WDFY4: variants seen among roughly 807,000 people sequenced by gnomAD.
The protein encoded by WDFY4 is WD repeat- and FYVE domain-containing protein 4.
WDFY4 carries 169 observed loss-of-function variants against 351.9 expected under a neutral mutation model. That is an observed-to-expected ratio of 0.48 (90% confidence interval 0.42 to 0.55). The LOEUF is 0.55. WDFY4 is among the 20% of genes least tolerant of loss of function. WDFY4 has a pLI of 0.00. For synonymous variants in WDFY4, 1,622 were observed against 1,574.6 expected (o/e 1.03, Z -0.71); for missense variants, 3,803 against 3,935.6 (o/e 0.97, Z 0.90).
chr10:48,765,274 G>A (rs1168468887), intron 13 of WDFY4, among the ~76,000 whole-genome samples: 1 of 152,162 alleles, frequency 6.6e-6, no homozygotes, highest in Non-Finnish European at 1.5e-5. Flanking sequence ...TTACCATAGA[G>A]GGCAGACTTC....
At chr10:48,753,356 A>G (rs947694621) in intron 12 of WDFY4, among the ~76,000 whole-genome samples, 1 of 152,136 alleles carries the variant, frequency 6.6e-6, no homozygotes, top group Non-Finnish European at 1.5e-5. Context: ...TGATGCACAA[A>G]AATTTTCAGT....
intron 47 of WDFY4, among the ~76,000 whole-genome samples, chr10:48,929,127 C>A (rs1474391737): frequency 6.6e-6 from 1 of 151,804 alleles, no homozygotes; most frequent in Non-Finnish European, 1.5e-5. Flanking sequence ...GAGCAGAGAT[C>A]AGAGGAAGTG....
intron 47 of WDFY4, among the ~76,000 whole-genome samples, chr10:48,906,470 T>C (rs1837622233): frequency 6.6e-6 from 1 of 152,244 alleles, no homozygotes; most frequent in African/African-American, 2.4e-5. Context: ...ACTGAACCTT[T>C]TGAAGACAGC....
chr10:48,801,600 G>T (rs1025392636), intron 24 of WDFY4: 53 of 445,392 alleles, frequency 1.2e-4, no homozygotes, highest in African/African-American at 1.0e-3. Context: ...GCCCACCTCT[G>T]TGTGTGCCTT....
At chr10:48,887,146 C>A (rs1005675668) in intron 43 of WDFY4, among the ~76,000 whole-genome samples, 3 of 152,256 alleles carry the variant, frequency 2.0e-5, no homozygotes, top group African/African-American at 7.2e-5. Context: ...CAAAGGGAAG[C>A]ACCAGATCAT....
intron 51 of WDFY4, among the ~76,000 whole-genome samples, chr10:48,952,087 G>T (rs1190352608): frequency 1.3e-5 from 2 of 152,176 alleles, no homozygotes; most frequent in Non-Finnish European, 2.9e-5. Context: ...GCAGCACTTG[G>T]CCCATCCTGG....
chr10:48,972,606 T>G (rs917757291), intron 57 of WDFY4, among the ~76,000 whole-genome samples: 1 of 152,264 alleles, frequency 6.6e-6, no homozygotes, highest in Admixed American at 6.5e-5. Context: ...CTTCTAAAAC[T>G]AGACAATTAA....
chr10:48,685,919 T>C (rs1289212885), intron 1 of WDFY4, among the ~76,000 whole-genome samples: 1 of 87,658 alleles, frequency 1.1e-5, no homozygotes, highest in Non-Finnish European at 2.3e-5. Context: ...GTGGGGGTCT[T>C]GGGAGGGTGG....
intron 39 of WDFY4, among the ~76,000 whole-genome samples, chr10:48,855,747 G>T (rs1199180408): frequency 6.6e-6 from 1 of 151,986 alleles, no homozygotes; most frequent in Non-Finnish European, 1.5e-5. Flanking sequence ...TCACAGTTTT[G>T]CTTTCTGCAG....
intron 60 of WDFY4, among the ~76,000 whole-genome samples, chr10:48,980,775 C>T (rs989990982): frequency 4.6e-5 from 7 of 152,144 alleles, no homozygotes; most frequent in African/African-American, 1.7e-4. Context: ...AGTGGCCTCG[C>T]AGGGACGTAC....
intron 40 of WDFY4, 118 bp downstream of exon 40, chr10:48,867,460 G>A: frequency 1.8e-6 from 1 of 546,356 alleles, no homozygotes; most frequent in Non-Finnish European, 2.8e-6. Flanking sequence ...CTTGCACCAT[G>A]TTGGGGTTTT....
chr10:48,952,414 G>T (rs1328987766), intron 51 of WDFY4, among the ~76,000 whole-genome samples: 2 of 152,220 alleles, frequency 1.3e-5, no homozygotes, highest in African/African-American at 4.8e-5. Context: ...GACTTGAGGA[G>T]AATCATTCAG....
rs1423636859 is a variant in WDFY4 at position 48,709,845 on chromosome 10, C to T, written c.113C>T (p.Ser38Phe). The stretch of plus-strand genomic sequence containing the variant: ...GATGTCCCACATGGAGGGCAGTCCT[C>T]CAGCCCCACAGCTCTCTGGGACATG... The part of the protein sequence containing the change: ...QPDVPHGGQS[S>F]SPTALWDMLE... Residue 38 changes from serine to phenylalanine, a missense_variant, in exon 2 of 62, where the codon TCC (serine) becomes TTC (phenylalanine). By Grantham distance (155) the Ser-to-Phe change is radical (BLOSUM62 -2). This residue lies in a region of WDFY4 where 488 missense variants were observed against 456.8 expected (regional missense o/e 1.07). Coordinates refer to ENST00000325239, the MANE Select transcript of WDFY4 (RefSeq NM_001394531.1). 2 of 1,551,886 alleles carry T rather than the reference C, an allele frequency of 1.3e-6. No individual in the cohort carries two copies. The highest frequency in any genetic ancestry group is 1.2e-5 in the South Asian group (1 of 84,066).
intron 49 of WDFY4, among the ~76,000 whole-genome samples, chr10:48,944,911 A>G (rs144326701): frequency 8.5e-5 from 13 of 152,330 alleles, no homozygotes; most frequent in African/African-American, 3.1e-4. Context: ...CTGAGCTGGC[A>G]AGATTGTGAA....
chr10:48,879,281 G>A (rs2070151834), intron 43 of WDFY4, among the ~76,000 whole-genome samples: 2 of 152,208 alleles, frequency 1.3e-5, no homozygotes, highest in Admixed American at 1.3e-4. Flanking sequence ...TGGCCAGGGC[G>A]AGAGGATGCT....
At chr10:48,916,156 C>A (rs984163256) in intron 47 of WDFY4, among the ~76,000 whole-genome samples, 2 of 152,166 alleles carry the variant, frequency 1.3e-5, no homozygotes, top group Non-Finnish European at 2.9e-5. Flanking sequence ...AAAGTAAAGA[C>A]CAATCTGGCC....
At chr10:48,787,001 G>A in intron 20 of WDFY4, 131 bp downstream of exon 20, 3 of 719,324 alleles carry the variant, frequency 4.2e-6, no homozygotes, top group Non-Finnish European at 4.6e-6. Flanking sequence ...CTCTGTAATT[G>A]TATCATTATA....
intron 12 of WDFY4, among the ~76,000 whole-genome samples, chr10:48,755,961 G>T (rs762143048): frequency 3.2e-4 from 49 of 151,852 alleles, no homozygotes; most frequent in Non-Finnish European, 5.9e-4. Context: ...GTGTTTTTCT[G>T]TTTTCAATAT....
chr10:48,937,236 T>C (rs951591345), intron 47 of WDFY4, among the ~76,000 whole-genome samples: 2 of 152,234 alleles, frequency 1.3e-5, no homozygotes, highest in African/African-American at 2.4e-5. Context: ...TATTATGGCA[T>C]AGTTGTACCA....
Sources: gnomAD v4.1 joint callset for allele counts (sites outside exome capture counted in the v4.1 genomes callset) on GRCh38, gnomAD v4.1.1 for gene constraint, gnomAD v4.1.1 regional missense constraint, MANE v1.5 for transcripts, NCBI Gene and HGNC (gene_info 2026-07-23, HGNC 2026-07-21) for gene names.